LARGE1: variants seen among roughly 807,000 people sequenced by gnomAD.
LARGE1 encodes LARGE xylosyl- and glucuronyltransferase 1.
In LARGE1, 43 loss-of-function variants were observed where a neutral mutation model predicts 87.6. That is an observed-to-expected ratio of 0.49 (90% CI 0.38 to 0.63). The LOEUF is 0.63. Among genes scored for constraint, LARGE1 ranks in the 30% least tolerant of loss-of-function variants. The probability of loss-of-function intolerance (pLI) is 0.00; values close to 1 mark genes in which losing one functional copy is unlikely to be tolerated. For missense variants in LARGE1, 802 were observed against 1,000.2 expected (o/e 0.80, Z 2.67); for synonymous variants, 434 against 394.6 (o/e 1.10, Z -1.18).
the LARGE1 span, among the ~76,000 whole-genome samples, chr22:33,103,110 T>C: frequency 6.6e-6 from 1 of 151,838 alleles, no homozygotes; most frequent in African/African-American, 2.4e-5. Context: ...CGTGACTAGG[T>C]TATGTGAGAT....
intron 10 of LARGE1, among the ~76,000 whole-genome samples, chr22:33,319,375 C>T (rs1936494163): frequency 6.6e-6 from 1 of 152,120 alleles, no homozygotes; most frequent in Admixed American, 6.6e-5. Flanking sequence ...GCAAGCCAGC[C>T]TGGCCCAGCT....
At chr22:33,236,662 T>C (rs1926265954) in intron 11 of LARGE1, among the ~76,000 whole-genome samples, 1 of 152,214 alleles carries the variant, frequency 6.6e-6, no homozygotes, top group South Asian at 2.1e-4. Context: ...TCTGAGCTCC[T>C]GCTGTGGCTG....
intron 6 of LARGE1, among the ~76,000 whole-genome samples, chr22:33,447,671 T>C (rs914060175): frequency 6.6e-6 from 1 of 152,178 alleles, no homozygotes; most frequent in South Asian, 2.1e-4. Flanking sequence ...GAAATTACTA[T>C]GGTGTATGTC....
chr22:33,332,079 A>T (rs1937788743), intron 10 of LARGE1, among the ~76,000 whole-genome samples: 1 of 152,122 alleles, frequency 6.6e-6, no homozygotes, highest in Non-Finnish European at 1.5e-5. Flanking sequence ...CTGCTAGAAC[A>T]CTAGCCCTGT....
At chr22:33,499,524 C>T (rs943232865) in intron 6 of LARGE1, among the ~76,000 whole-genome samples, 13 of 152,184 alleles carry the variant, frequency 8.5e-5, no homozygotes, top group Admixed American at 8.5e-4. Context: ...CATCCACTAC[C>T]AAAAGGGGAG....
chr22:33,430,748 TTGACCCCCACTC>T (rs1433055748), intron 7 of LARGE1, among the ~76,000 whole-genome samples: 2 of 152,328 alleles, frequency 1.3e-5, no homozygotes, highest in South Asian at 2.1e-4. Flanking sequence ...TCCTCTAGCT[TTGACCCCCACTC>T]TGACCCCATC....
At chr22:33,895,053 T>A (rs1601868331) in intron 1 of LARGE1, among the ~76,000 whole-genome samples, 1 of 151,934 alleles carries the variant, frequency 6.6e-6, no homozygotes, top group South Asian at 2.1e-4. Context: ...GAGCCTTATA[T>A]TGGAGAGGCA....
chr22:33,091,559 CAAATAAAT>C, the LARGE1 span, among the ~76,000 whole-genome samples: 4,530 of 140,568 alleles, frequency 0.032, 222 homozygotes, highest in East Asian at 0.23. Flanking sequence ...GACTCCATCT[CAAATAAAT>C]AAATAAATAA....
chr22:33,390,115 G>A (rs2065465396), intron 7 of LARGE1, among the ~76,000 whole-genome samples: 1 of 152,204 alleles, frequency 6.6e-6, no homozygotes. Context: ...CTCTGCCTCT[G>A]TGAATTTGAT....
intron 3 of LARGE1, among the ~76,000 whole-genome samples, chr22:33,645,715 A>G (rs1274154534): frequency 6.6e-6 from 1 of 152,226 alleles, no homozygotes; most frequent in African/African-American, 2.4e-5. Context: ...GCTAATATCC[A>G]GAATCTACAA....
chr22:33,236,141 A>T (rs1409578644), intron 11 of LARGE1, among the ~76,000 whole-genome samples: 3 of 152,150 alleles, frequency 2.0e-5, no homozygotes, highest in African/African-American at 7.2e-5. Context: ...CCCAAAAGGA[A>T]CCAACTCTGC....
At chr22:33,866,084 A>G (rs2064093835) in intron 1 of LARGE1, among the ~76,000 whole-genome samples, 1 of 151,900 alleles carries the variant, frequency 6.6e-6, no homozygotes, top group Non-Finnish European at 1.5e-5. Flanking sequence ...CCTGGGCTCA[A>G]GCAATCCTCC....
At chr22:33,363,129 C>T (rs1323656072) in intron 9 of LARGE1, among the ~76,000 whole-genome samples, 1 of 150,022 alleles carries the variant, frequency 6.7e-6, no homozygotes, top group Non-Finnish European at 1.5e-5. Context: ...TTTGGAGTAG[C>T]AGAGTGTGAG....
At chr22:33,309,661 T>C (rs999140742) in intron 11 of LARGE1, among the ~76,000 whole-genome samples, 1 of 152,226 alleles carries the variant, frequency 6.6e-6, no homozygotes, top group African/African-American at 2.4e-5. Context: ...AAATAATTTG[T>C]GGCATTTTGT....
chr22:33,896,324 C>A (rs1327773007), intron 1 of LARGE1, among the ~76,000 whole-genome samples: 1 of 152,200 alleles, frequency 6.6e-6, no homozygotes, highest in African/African-American at 2.4e-5. Flanking sequence ...TGGTGTTTAG[C>A]CTTTCCACTG....
the LARGE1 span, among the ~76,000 whole-genome samples, chr22:33,089,414 ACTTCTTCTTCCTCTTCCT>A: frequency 3.0e-5 from 2 of 66,394 alleles, no homozygotes; most frequent in Non-Finnish European, 5.7e-5. Flanking sequence ...TTCTTCTTCT[ACTTCTTCTTCCTCTTCCT>A]CTTCTTCTTC....
chr22:33,572,125 G>T, intron 5 of LARGE1: 1 of 917,126 alleles, frequency 1.1e-6, no homozygotes, highest in Non-Finnish European at 1.6e-6. Flanking sequence ...AATATTTTTT[G>T]CTCAAAATAG....
At chr22:33,545,151 T>A (rs1437634411) in intron 6 of LARGE1, among the ~76,000 whole-genome samples, 1 of 152,144 alleles carries the variant, frequency 6.6e-6, no homozygotes, top group African/African-American at 2.4e-5. Context: ...TCACTCTAAA[T>A]CTGCGCTTCC....
At chr22:33,419,581 C>T (rs926865779) in intron 7 of LARGE1, among the ~76,000 whole-genome samples, 5 of 152,128 alleles carry the variant, frequency 3.3e-5, no homozygotes, top group Non-Finnish European at 5.9e-5. Context: ...CCCAAAGAAA[C>T]GGTCCTTTCT....
Sources: gnomAD v4.1 joint callset for allele counts (sites outside exome capture counted in the v4.1 genomes callset) on GRCh38, gnomAD v4.1.1 for gene constraint, MANE v1.5 for transcripts, NCBI Gene and HGNC (gene_info 2026-07-23, HGNC 2026-07-21) for gene names.